The following SLC35F3 variants were observed in gnomAD, a reference collection of about 807,000 sequenced individuals.
SLC35F3 encodes solute carrier family 35 member F3.
Under a neutral mutation model 49.9 loss-of-function variants are expected in SLC35F3, and 25 were observed. That is an observed-to-expected ratio of 0.50 (90% CI 0.37 to 0.70). SLC35F3 has a LOEUF of 0.70. Among genes scored for constraint, SLC35F3 ranks in the 30% least tolerant of loss-of-function variants. The pLI is 0.00. For missense variants in SLC35F3, 525 were observed against 639.8 expected (o/e 0.82, Z 1.94); for synonymous variants, 275 against 265.4 (o/e 1.04, Z -0.35).
intron 2 of SLC35F3, among the ~76,000 whole-genome samples, chr1:234,128,831 ACT>A (rs1665688316): frequency 6.6e-6 from 1 of 152,128 alleles, no homozygotes; most frequent in African/African-American, 2.4e-5. Flanking sequence ...CATTTCTTTC[ACT>A]CTGTCGGAAA....
At chr1:234,252,424 A>G (rs1191608656) in intron 3 of SLC35F3, among the ~76,000 whole-genome samples, 3 of 152,242 alleles carry the variant, frequency 2.0e-5, no homozygotes, top group African/African-American at 7.2e-5. Context: ...AAAAATAAAA[A>G]TAAAAAATAA....
chr1:233,927,054 T>C (rs1662172012), intron 2 of SLC35F3, among the ~76,000 whole-genome samples: 1 of 152,340 alleles, frequency 6.6e-6, no homozygotes, highest in African/African-American at 2.4e-5. Context: ...TAACATGTAC[T>C]TAAGGTTCCT....
chr1:233,988,913 A>C (rs1207141609), intron 2 of SLC35F3, among the ~76,000 whole-genome samples: 1 of 152,222 alleles, frequency 6.6e-6, no homozygotes, highest in African/African-American at 2.4e-5. Context: ...GAGAGGCAGC[A>C]GATCATGGTG....
chr1:233,974,714 A>T (rs1663051816), intron 2 of SLC35F3, among the ~76,000 whole-genome samples: 1 of 152,194 alleles, frequency 6.6e-6, no homozygotes, highest in Non-Finnish European at 1.5e-5. Context: ...CATGTCAGTG[A>T]CATGAATGTA....
chr1:233,963,533 T>A (rs1276088467), intron 2 of SLC35F3, among the ~76,000 whole-genome samples: 2 of 152,024 alleles, frequency 1.3e-5, no homozygotes, highest in Admixed American at 1.3e-4. Flanking sequence ...GATCTCCTGA[T>A]CTCGTGATCT....
At chr1:234,100,482 A>G (rs1178368963) in intron 2 of SLC35F3, among the ~76,000 whole-genome samples, 1 of 152,264 alleles carries the variant, frequency 6.6e-6, no homozygotes, top group Non-Finnish European at 1.5e-5. Context: ...CCTTGTGGAC[A>G]GATAATCAAA....
At chr1:234,322,827 G>A (rs763963437) in intron 7 of SLC35F3, among the ~76,000 whole-genome samples, 181 bp from the exon 8 acceptor site, 1 of 152,094 alleles carries the variant, frequency 6.6e-6, no homozygotes, top group African/African-American at 2.4e-5. Context: ...TAAAGTTAAG[G>A]GTTGTTTACT....
At chr1:233,988,830 C>A (rs1663309957) in intron 2 of SLC35F3, among the ~76,000 whole-genome samples, 1 of 152,142 alleles carries the variant, frequency 6.6e-6, no homozygotes, top group Non-Finnish European at 1.5e-5. Flanking sequence ...GATGTTTCTC[C>A]TTAAGTTTCA....
intron 3 of SLC35F3, among the ~76,000 whole-genome samples, chr1:234,236,821 T>C (rs1470251360): frequency 6.6e-6 from 1 of 151,470 alleles, no homozygotes; most frequent in Non-Finnish European, 1.5e-5. Flanking sequence ...ATATACTTCT[T>C]TGATATCTAT....
In SLC35F3 at chr1:234,136,941, C is replaced by T. The variant is rs114752290; in HGVS notation, c.284-94476C>T. On this transcript the variant is annotated intron_variant, in intron 2 of 7. Transcript: ENST00000366618. ...ATAATGCATGTATCTCTAAGGGTTCCTTTTGTGAACCTTCTTCAGCATTCA... is the reference window on the plus strand; with the variant it reads ...ATAATGCATGTATCTCTAAGGGTTCTTTTTGTGAACCTTCTTCAGCATTCA... Among the ~76,000 whole-genome samples the T allele has an allele frequency of 6.4e-3, 971 of 152,328 alleles. 15 individuals are homozygous for T. Among genetic ancestry groups the T allele is most frequent in the African/African-American group, 0.022 (919 of 41,584 alleles).
intron 2 of SLC35F3, among the ~76,000 whole-genome samples, chr1:234,149,270 A>G (rs1317312399): frequency 1.3e-5 from 2 of 152,222 alleles, no homozygotes; most frequent in Non-Finnish European, 2.9e-5. Flanking sequence ...CAGGATTTCA[A>G]CATGAGGTAG....
chr1:234,236,611 G>T (rs1667474214), intron 3 of SLC35F3, among the ~76,000 whole-genome samples: 1 of 152,058 alleles, frequency 6.6e-6, no homozygotes. Context: ...ATGTAATTGG[G>T]GTAAGGTGAA....
intron 2 of SLC35F3, among the ~76,000 whole-genome samples, chr1:234,141,307 G>T (rs903243650): frequency 1.3e-5 from 2 of 152,096 alleles, no homozygotes; most frequent in African/African-American, 2.4e-5. Flanking sequence ...GCTCTACATG[G>T]TGCATGTGGA....
intron 2 of SLC35F3, among the ~76,000 whole-genome samples, chr1:234,101,161 A>G (rs1224975299): frequency 6.6e-6 from 1 of 152,006 alleles, no homozygotes; most frequent in African/African-American, 2.4e-5. Flanking sequence ...TGTGCCACAA[A>G]AGCAGGTTGG....
chr1:234,103,983 A>C (rs1665248425), intron 2 of SLC35F3, among the ~76,000 whole-genome samples: 1 of 152,240 alleles, frequency 6.6e-6, no homozygotes, highest in Admixed American at 6.5e-5. Context: ...AATGAGGTCA[A>C]CATGGGGCAA....
At chr1:233,922,452 G>C (rs555319125) in intron 2 of SLC35F3, among the ~76,000 whole-genome samples, 18 of 142,892 alleles carry the variant, frequency 1.3e-4, no homozygotes, top group Admixed American at 4.1e-4. Flanking sequence ...TTTGAGAAGT[G>C]TCTGTTCATA....
intron 2 of SLC35F3, among the ~76,000 whole-genome samples, chr1:233,984,640 G>A (rs1027084066): frequency 6.6e-6 from 1 of 152,110 alleles, no homozygotes; most frequent in Non-Finnish European, 1.5e-5. Flanking sequence ...ACAAATTTGG[G>A]GTCAGTAGAA....
At chr1:234,235,255 A>G (rs141426155) in intron 3 of SLC35F3, among the ~76,000 whole-genome samples, 1 of 152,272 alleles carries the variant, frequency 6.6e-6, no homozygotes, top group East Asian at 1.9e-4. Context: ...CTTCTCCAAT[A>G]TGATAGGCAG....
intron 2 of SLC35F3, among the ~76,000 whole-genome samples, chr1:234,101,387 G>A (rs1363098221): frequency 6.6e-6 from 1 of 152,130 alleles, no homozygotes; most frequent in Non-Finnish European, 1.5e-5. Context: ...CTGAAAACTG[G>A]AAGAAGGTGG....
Sources: gnomAD v4.1 joint callset for allele counts (sites outside exome capture counted in the v4.1 genomes callset) on GRCh38, gnomAD v4.1.1 for gene constraint, MANE v1.5 for transcripts, NCBI Gene and HGNC (gene_info 2026-07-23, HGNC 2026-07-21) for gene names.